The following SORL1 variants were observed in gnomAD, a reference collection of about 807,000 sequenced individuals.
SORL1 encodes sortilin related receptor 1, also known as sortilin-related receptor.
In SORL1, 127 loss-of-function variants were observed where a neutral mutation model predicts 273.7. That is an observed-to-expected ratio of 0.46 (90% CI 0.40 to 0.54). SORL1 has a LOEUF of 0.54. SORL1 is among the 20% of genes least tolerant of loss of function. The pLI, the probability that SORL1 is intolerant of heterozygous loss-of-function variation, is 0.00. For synonymous variants in SORL1, 1,031 were observed against 1,067.4 expected (o/e 0.97, Z 0.66); for missense variants, 2,494 against 2,846.1 (o/e 0.88, Z 2.81).
At chr11:121,587,508 A>G (rs1474868868) in intron 27 of SORL1, among the ~76,000 whole-genome samples, 6 of 152,194 alleles carry the variant, frequency 3.9e-5, no homozygotes, top group Admixed American at 3.9e-4. Flanking sequence ...TTATGGTTTC[A>G]TTTAACCTCC....
chr11:121,616,900 A>G (rs1292625235), intron 41 of SORL1, among the ~76,000 whole-genome samples: 3 of 152,258 alleles, frequency 2.0e-5, no homozygotes, highest in Non-Finnish European at 2.9e-5. Context: ...GGCATGAGAC[A>G]TCCATCAAAT....
rs1018942583 is a variant in SORL1, at chr11:121,563,563, T to G, written c.3050-3377T>G. ...GGCATGTGCCACCATGCCTGGCTAATTTTTTGTATTTTAGTAGAGATTGGG... is the reference window on the plus strand; with the variant it reads ...GGCATGTGCCACCATGCCTGGCTAAGTTTTTGTATTTTAGTAGAGATTGGG... On this transcript the variant is annotated intron_variant, in intron 21 of 47. Transcript: ENST00000260197. The surrounding 1 kb of genome is among the most constrained non-coding windows in gnomAD (Gnocchi z 4.2). 1.3e-5 allele frequency among the ~76,000 whole-genome samples: 2 copies of G among 152,068 alleles called. No individual in the cohort carries two copies. The highest frequency in any genetic ancestry group is 4.8e-5 in the African/African-American group (2 of 41,400).
intron 21 of SORL1, among the ~76,000 whole-genome samples, chr11:121,565,180 C>T (rs1344523898): frequency 6.6e-6 from 1 of 152,152 alleles, no homozygotes; most frequent in Admixed American, 6.5e-5. Context: ...ATTTACTGAA[C>T]CTTTTGGACT....
intron 6 of SORL1, among the ~76,000 whole-genome samples, chr11:121,502,024 G>A (rs1263500790): frequency 6.6e-6 from 1 of 151,180 alleles, no homozygotes; most frequent in Non-Finnish European, 1.5e-5. Context: ...GTTACAAACA[G>A]TGCTGCTGTG....
At chr11:121,545,749 C>T (rs1202459887) in intron 14 of SORL1, among the ~76,000 whole-genome samples, 12 of 152,130 alleles carry the variant, frequency 7.9e-5, no homozygotes, top group Admixed American at 7.9e-4. Flanking sequence ...GTTTTTAATC[C>T]TTCTCCTTAG....
chr11:121,618,703 T>C, intron 41 of SORL1, 71 bp from the exon 42 acceptor site: 1 of 1,589,754 alleles, frequency 6.3e-7, no homozygotes, highest in Non-Finnish European at 8.6e-7. Context: ...GGGTCTTAAA[T>C]TGGGGATTTC....
In SORL1 at chr11:121,586,257, A is replaced by G; in HGVS notation, c.3742A>G (p.Thr1248Ala). The change falls in exon 27 of 48, where the codon ACT becomes GCT. Residue 1248 changes from threonine to alanine, a missense_variant. This residue lies in a region of SORL1 where 1,609 missense variants were observed against 1,816.4 expected (regional missense o/e 0.89). Coordinates refer to ENST00000260197, the MANE Select transcript of SORL1 (RefSeq NM_003105.6). ...CAATGGATTCCGCTGCCCAAACGGC[A>G]CTTGCATCCCATCCAGCAAACATTG... ...KCNGFRCPNG[T>A]CIPSSKHCDG... The G allele has an allele frequency of 6.2e-7, 1 of 1,614,098 alleles. No homozygotes were observed. Among genetic ancestry groups the G allele is most frequent in the South Asian group, 1.1e-5 (1 of 91,084 alleles).
chr11:121,480,219 T>G (rs887593077), intron 3 of SORL1, among the ~76,000 whole-genome samples: 1 of 152,200 alleles, frequency 6.6e-6, no homozygotes, highest in African/African-American at 2.4e-5. Flanking sequence ...AAGCATTTGT[T>G]AATTAGCCAG....
intron 11 of SORL1, among the ~76,000 whole-genome samples, chr11:121,528,426 TC>T (rs1862155674): frequency 6.6e-6 from 1 of 152,150 alleles, no homozygotes; most frequent in Non-Finnish European, 1.5e-5. Flanking sequence ...GTCAGTGCAC[TC>T]CAGCCTGGGT....
intron 11 of SORL1, among the ~76,000 whole-genome samples, chr11:121,531,724 A>G (rs1862204684): frequency 6.6e-6 from 1 of 152,212 alleles, no homozygotes; most frequent in African/African-American, 2.4e-5. Flanking sequence ...ATGCACGTAC[A>G]CTTCAGGGGT....
chr11:121,569,706 A>G (rs975085968), intron 22 of SORL1, among the ~76,000 whole-genome samples: 1 of 152,188 alleles, frequency 6.6e-6, no homozygotes, highest in Non-Finnish European at 1.5e-5. Context: ...CTTCATTAGC[A>G]ATTTTAATTT....
At chr11:121,523,259 C>G (rs769543724) in intron 11 of SORL1, among the ~76,000 whole-genome samples, 5 of 152,210 alleles carry the variant, frequency 3.3e-5, no homozygotes, top group Non-Finnish European at 7.3e-5. Context: ...GTCTGTTTTA[C>G]TGACTTCTTT....
intron 1 of SORL1, among the ~76,000 whole-genome samples, chr11:121,457,640 G>A (rs7124961): frequency 0.014 from 2,202 of 152,212 alleles, 57 homozygotes; most frequent in African/African-American, 0.05. Context: ...TCCAGGCCAG[G>A]TGAGAAAAAC....
intron 45 of SORL1, among the ~76,000 whole-genome samples, chr11:121,622,732 T>TC (rs1364492513): frequency 6.6e-6 from 1 of 152,252 alleles, no homozygotes; most frequent in African/African-American, 2.4e-5. Context: ...TTGAAGATAC[T>TC]GTGCTAACTT....
chr11:121,541,723 A>G (rs956768381), intron 12 of SORL1, among the ~76,000 whole-genome samples: 1 of 152,230 alleles, frequency 6.6e-6, no homozygotes, highest in South Asian at 2.1e-4. Flanking sequence ...GTGATTTCTC[A>G]TGTCAAGCGT....
chr11:121,523,166 T>C (rs554378431), intron 11 of SORL1, among the ~76,000 whole-genome samples, 177 bp downstream of exon 11: 6 of 152,364 alleles, frequency 3.9e-5, no homozygotes, highest in Non-Finnish European at 7.3e-5. Flanking sequence ...CCACAGTTAC[T>C]TTAAATTAAA....
rs1008323994 is a variant in SORL1, at chr11:121,558,515, C to G, written c.2664-76C>G. Reference sequence around the variant, plus strand: ...CGGATCATTCGAAAGGAGTTTCTGACCTTTTCTGGAGTAGTATTTGAGCTC... The same window carrying G: ...CGGATCATTCGAAAGGAGTTTCTGAGCTTTTCTGGAGTAGTATTTGAGCTC... On this transcript the variant is annotated intron_variant, in intron 19 of 47. Transcript: ENST00000260197. 7 of 1,523,936 alleles carry G rather than the reference C, an allele frequency of 4.6e-6. No individual in the cohort carries two copies. The East Asian group carries it at 1.6e-4, about 35-fold the overall frequency. 94.4% of individuals were successfully genotyped at this position (1,523,936 alleles called of 1,614,324 possible).
rs1363917207 is a variant in SORL1 at position 121,590,067 on chromosome 11, C to T, written c.4106C>T (p.Ser1369Phe). Residue 1369 changes from serine (S) to phenylalanine (F), a missense_variant, in exon 30 of 48, where the codon TCC (serine) becomes TTC (phenylalanine). Physicochemically the swap from Ser to Phe is radical, Grantham distance 155. Around this residue, in one of 3 missense-constraint regions of SORL1, gnomAD observed 1,609 missense variants for 1,816.4 expected, o/e 0.89. Coordinates refer to ENST00000260197, the MANE Select transcript of SORL1 (RefSeq NM_003105.6). Reference sequence around the variant, plus strand: ...AACCCCACAGAAGCCCCAAACTGCTCCCGCTACTTCCAGTTTCGGTGTGAG... The same window carrying T: ...AACCCCACAGAAGCCCCAAACTGCTTCCGCTACTTCCAGTTTCGGTGTGAG... ...CENPTEAPNC[S>F]RYFQFRCENG... is the part of the protein sequence containing the mutation. 1.2e-6 allele frequency: 2 copies of T among 1,614,122 alleles called. No individual in the cohort carries two copies. The highest frequency in any genetic ancestry group is 2.2e-5 in the South Asian group (2 of 91,072).
chr11:121,557,765 T>TC (rs1256925140), intron 19 of SORL1, among the ~76,000 whole-genome samples: 1 of 152,218 alleles, frequency 6.6e-6, no homozygotes, highest in Non-Finnish European at 1.5e-5. Flanking sequence ...ATTCCATCTT[T>TC]CCCCTGCCTT....
Sources: allele counts gnomAD v4.1 joint callset (sites outside exome capture counted in the v4.1 genomes callset), GRCh38; gene constraint gnomAD v4.1.1; regional missense constraint gnomAD v4.1.1; non-coding constraint Gnocchi (gnomAD v3.1); transcripts MANE v1.5; gene names NCBI Gene and HGNC (gene_info 2026-07-23, HGNC 2026-07-21).